Variants in FANCC observed in about 807,000 individuals in gnomAD.
FANCC encodes the protein Fanconi anemia group C protein.
Under a neutral mutation model 71.3 loss-of-function variants are expected in FANCC, and 55 were observed. The observed-to-expected ratio is 0.77, with a 90% CI of 0.62 to 0.97. The LOEUF (loss-of-function observed/expected upper bound fraction) is 0.97. FANCC is among the 50% of genes least tolerant of loss of function. The pLI is 0.00. For missense variants in FANCC, 678 were observed against 670.9 expected (o/e 1.01, Z -0.12); for synonymous variants, 275 against 244.9 (o/e 1.12, Z -1.15).
At chr9:95,131,861 T>C (rs1404694109) in intron 8 of FANCC, among the ~76,000 whole-genome samples, 1 of 152,200 alleles carries the variant, frequency 6.6e-6, no homozygotes, top group Non-Finnish European at 1.5e-5. Context: ...AAGTTTCTTT[T>C]TCTTTCTGAA....
At chr9:95,121,692 G>A (rs1355985261) in intron 10 of FANCC, among the ~76,000 whole-genome samples, 2 of 152,156 alleles carry the variant, frequency 1.3e-5, no homozygotes, top group African/African-American at 4.8e-5. Context: ...AGAAGTCTCT[G>A]CTGAGTGGAA....
intron 6 of FANCC, among the ~76,000 whole-genome samples, chr9:95,165,092 CTT>C (rs1231745731): frequency 6.6e-6 from 1 of 151,736 alleles, no homozygotes; most frequent in Non-Finnish European, 1.5e-5. Flanking sequence ...TAGTCTCAAT[CTT>C]TTTAATTTTT....
At chr9:95,270,636 A>G (rs985259748) in intron 1 of FANCC, among the ~76,000 whole-genome samples, 3 of 152,224 alleles carry the variant, frequency 2.0e-5, no homozygotes, top group Admixed American at 2.0e-4. Context: ...GAGTATGAAA[A>G]CCTCCAGAAA....
intron 1 of FANCC, among the ~76,000 whole-genome samples, chr9:95,266,516 C>G (rs973279668): frequency 1.3e-5 from 2 of 152,224 alleles, no homozygotes; most frequent in Non-Finnish European, 2.9e-5. Context: ...ATTTTCACCT[C>G]TGTTCTTTTA....
At chr9:95,136,437 G>A (rs191732745) in intron 7 of FANCC, among the ~76,000 whole-genome samples, 2 of 151,906 alleles carry the variant, frequency 1.3e-5, no homozygotes, top group East Asian at 1.9e-4. Flanking sequence ...TGATGCACTG[G>A]ACCTTAAGTG....
intron 2 of FANCC, 44 bp from the exon 3 acceptor site, chr9:95,247,560 A>T: frequency 1.7e-6 from 2 of 1,183,058 alleles, no homozygotes; most frequent in Non-Finnish European, 2.5e-6. Flanking sequence ...GCATTATGCA[A>T]CTTAGAAATA....
At chr9:95,197,081 A>T (rs1827501148) in intron 4 of FANCC, among the ~76,000 whole-genome samples, 1 of 152,184 alleles carries the variant, frequency 6.6e-6, no homozygotes, top group Admixed American at 6.5e-5. Flanking sequence ...AATTGCTAAA[A>T]ACAGAAGTCC....
chr9:95,159,252 A>G (rs1470789671), intron 6 of FANCC, among the ~76,000 whole-genome samples: 1 of 152,114 alleles, frequency 6.6e-6, no homozygotes, highest in Non-Finnish European at 1.5e-5. Context: ...CTCATTGTTC[A>G]ATTCCTACCT....
chr9:95,099,780 G>A lies in FANCC; in HGVS notation c.*1927C>T. On this transcript the variant is annotated 3_prime_UTR_variant, in exon 15 of 15. Coordinates refer to ENST00000289081, the MANE Select transcript of FANCC (RefSeq NM_000136.3). Reference sequence around the variant, plus strand: ...GTGAGAGGACTCGGCAGCTGTGAAGGAACTGGGAGATTCTGCAGATGGGCC... The same window carrying A: ...GTGAGAGGACTCGGCAGCTGTGAAGAAACTGGGAGATTCTGCAGATGGGCC... 2 of 232,466 alleles carry A rather than the reference G, an allele frequency of 8.6e-6. No individual in the cohort carries two copies. The highest frequency in any genetic ancestry group is 6.1e-5 in the East Asian group (1 of 16,446). 14.4% of individuals were successfully genotyped at this position (232,466 alleles called of 1,614,324 possible). A position where few individuals can be genotyped will look rare whatever the true frequency, so the allele number is the denominator to read the frequency against.
chr9:95,164,474 T>C (rs892483122), intron 6 of FANCC, among the ~76,000 whole-genome samples: 19 of 152,264 alleles, frequency 1.2e-4, no homozygotes, highest in Admixed American at 5.2e-4. Context: ...TTGAGGTCAT[T>C]TCCTTCTATT....
rs544255288 is a variant in FANCC at position 95,223,162 on chromosome 9, G to T, written c.345+17487C>A. Reference sequence around the variant, plus strand: ...GAAATTGTACTAGTTTGCTAGAGCTGCTGTGACAAAGTACCACAAGTTGAG... The same window carrying T: ...GAAATTGTACTAGTTTGCTAGAGCTTCTGTGACAAAGTACCACAAGTTGAG... On this transcript the variant is annotated intron_variant, in intron 4 of 14. Coordinates refer to ENST00000289081, the MANE Select transcript of FANCC (RefSeq NM_000136.3). 5.3e-5 allele frequency among the ~76,000 whole-genome samples: 8 copies of T among 152,306 alleles called. No homozygotes were observed. In the East Asian group the frequency reaches 1.5e-3, roughly 29 times the overall value.
chr9:95,114,714 C>T lies in FANCC; in HGVS notation c.1073-4G>A, dbSNP rs147695697. The stretch of plus-strand genomic sequence containing the variant: ...AGCCAGTGTCCCCGAGGGATATCTG[C>T]GGGTGGAGAGAGATACGTCAGAGGG... On this transcript the variant is annotated splice_polypyrimidine_tract_variant and splice_region_variant and intron_variant, in intron 11 of 14. Coordinates refer to ENST00000289081, the MANE Select transcript of FANCC (RefSeq NM_000136.3). 44 of 1,613,638 alleles carry T rather than the reference C, an allele frequency of 2.7e-5. No individual in the cohort carries two copies. Among genetic ancestry groups the T allele is most frequent in the East Asian group, 2.0e-4 (9 of 44,876 alleles).
intron 1 of FANCC, among the ~76,000 whole-genome samples, chr9:95,258,034 T>C (rs1366789417): frequency 2.6e-5 from 4 of 152,096 alleles, no homozygotes; most frequent in African/African-American, 9.7e-5. Context: ...GTTCTGAAAT[T>C]GAGGCAGTAA....
chr9:95,147,873 T>G (rs1200582987), intron 7 of FANCC, among the ~76,000 whole-genome samples: 1 of 152,232 alleles, frequency 6.6e-6, no homozygotes, highest in Admixed American at 6.5e-5. Flanking sequence ...TGCTTGTACT[T>G]GTCTGGTATC....
intron 4 of FANCC, among the ~76,000 whole-genome samples, chr9:95,210,509 C>A (rs1828428009): frequency 6.6e-6 from 1 of 152,088 alleles, no homozygotes; most frequent in African/African-American, 2.4e-5. Context: ...AGGCATTGTT[C>A]TAAAAGCTTT....
At chr9:95,239,596 CTT>C (rs1830516655) in intron 4 of FANCC, among the ~76,000 whole-genome samples, 2 of 152,176 alleles carry the variant, frequency 1.3e-5, no homozygotes, top group African/African-American at 4.8e-5. Context: ...TTTCTTCAGC[CTT>C]GTTACACATT....
chr9:95,129,537 G>C (rs576738000), intron 8 of FANCC, among the ~76,000 whole-genome samples: 5 of 152,214 alleles, frequency 3.3e-5, no homozygotes, highest in Non-Finnish European at 7.3e-5. Flanking sequence ...CACGCTGCAA[G>C]CCAGGGCTCT....
intron 4 of FANCC, among the ~76,000 whole-genome samples, chr9:95,231,008 T>C (rs983097418): frequency 5.9e-5 from 9 of 152,228 alleles, no homozygotes; most frequent in Non-Finnish European, 1.3e-4. Context: ...ATCCTCTAGC[T>C]AGACAGAAAA....
At chr9:95,252,047 G>A (rs1051265951) in intron 1 of FANCC, among the ~76,000 whole-genome samples, 2 of 151,904 alleles carry the variant, frequency 1.3e-5, no homozygotes, top group African/African-American at 2.4e-5. Context: ...GGAGGCCGAG[G>A]TGGATAGATC....
Sources: gnomAD v4.1 joint callset for allele counts (sites outside exome capture counted in the v4.1 genomes callset) on GRCh38, gnomAD v4.1.1 for gene constraint, MANE v1.5 for transcripts, NCBI Gene and HGNC (gene_info 2026-07-23, HGNC 2026-07-21) for gene names.